GARNL3: variants seen among roughly 807,000 people sequenced by gnomAD.
The protein encoded by GARNL3 is GTPase activating Rap/RanGAP domain like 3, also known as GTPase-activating Rap/Ran-GAP domain-like protein 3.
GARNL3 carries 63 observed loss-of-function variants against 125.0 expected under a neutral mutation model. The observed-to-expected ratio is 0.50, with a 90% CI of 0.41 to 0.62. The LOEUF (loss-of-function observed/expected upper bound fraction) is 0.62, where lower values mean the gene tolerates loss of function less well. GARNL3 is among the 20% of genes least tolerant of loss of function. The probability of loss-of-function intolerance (pLI) is 0.00; values close to 1 mark genes in which losing one functional copy is unlikely to be tolerated. For synonymous variants in GARNL3, 439 were observed against 457.5 expected, an observed-to-expected ratio of 0.96 and a Z score of 0.52; for missense variants, 994 against 1,244.0, an observed-to-expected ratio of 0.80 and a Z score of 3.02.
intron 1 of GARNL3, among the ~76,000 whole-genome samples, chr9:127,228,752 T>A (rs2062955134): frequency 6.6e-6 from 1 of 152,262 alleles, no homozygotes; most frequent in Non-Finnish European, 1.5e-5. Flanking sequence ...ATGTTTCTGA[T>A]AAAGCTTTTT....
At chr9:127,285,904 T>G (rs1241159005) in intron 1 of GARNL3, among the ~76,000 whole-genome samples, 1 of 152,230 alleles carries the variant, frequency 6.6e-6, no homozygotes, top group Non-Finnish European at 1.5e-5. Context: ...TCATTTATGT[T>G]ACCGATCAAG....
intron 17 of GARNL3, among the ~76,000 whole-genome samples, chr9:127,350,497 G>A (rs1023120212): frequency 6.6e-6 from 1 of 151,986 alleles, no homozygotes; most frequent in Admixed American, 6.6e-5. Flanking sequence ...AAATCCTTCC[G>A]GGCGCAGTGG....
At position 127,327,925 on chromosome 9, in the gene GARNL3, G is replaced by A. The variant is rs116508994; in HGVS notation, c.594+2830G>A. On this transcript the variant is annotated intron_variant, in intron 7 of 27. Coordinates refer to ENST00000373387, the MANE Select transcript of GARNL3 (RefSeq NM_032293.5). ...TTTGTTACGTTTTATATAAAATTAGGATTATATATAGCTTTTGTATCTCAA... is the reference window on the plus strand; with the variant it reads ...TTTGTTACGTTTTATATAAAATTAGAATTATATATAGCTTTTGTATCTCAA... 8.7e-3 allele frequency among the ~76,000 whole-genome samples: 1,323 copies of A among 152,204 alleles called. 24 individuals are homozygous for A. Among genetic ancestry groups the A allele is most frequent in the African/African-American group, 0.03 (1,232 of 41,512 alleles).
At chr9:127,298,588 T>C (rs2064681784) in intron 2 of GARNL3, among the ~76,000 whole-genome samples, 1 of 152,226 alleles carries the variant, frequency 6.6e-6, no homozygotes, top group African/African-American at 2.4e-5. Context: ...TACCATTTTA[T>C]ACTTGTAATT....
chr9:127,233,389 A>T, intron 1 of GARNL3, among the ~76,000 whole-genome samples: 1 of 152,172 alleles, frequency 6.6e-6, no homozygotes, highest in East Asian at 1.9e-4. Flanking sequence ...AGAGACCAAG[A>T]AGTAGTGATT....
intron 22 of GARNL3, among the ~76,000 whole-genome samples, chr9:127,368,606 C>T (rs922549797): frequency 6.7e-6 from 1 of 148,522 alleles, no homozygotes; most frequent in Non-Finnish European, 1.5e-5. Context: ...GCTGGGATTA[C>T]AGGCGTGAAC....
At chr9:127,294,526 A>G (rs2064525574) in intron 2 of GARNL3, among the ~76,000 whole-genome samples, 1 of 151,930 alleles carries the variant, frequency 6.6e-6, no homozygotes, top group South Asian at 2.1e-4. Flanking sequence ...CTGGTCTCGA[A>G]CTCCTGACCT....
rs776785856 is a variant in GARNL3 at position 127,320,787 on chromosome 9, A to G, written c.567+9A>G. ...ATCCTGAAATACAAAAGGTAACAGA[A>G]AATTTTATGCTTCATAATTGTACAA... On this transcript the variant is annotated intron_variant, in intron 6 of 27. Coordinates refer to ENST00000373387, the MANE Select transcript of GARNL3 (RefSeq NM_032293.5). 4 of 1,562,758 alleles carry G rather than the reference A, an allele frequency of 2.6e-6. No homozygotes were observed. The Admixed American group carries it at 5.0e-5, about 20-fold the overall frequency.
At chr9:127,310,616 A>G (rs922344095) in intron 2 of GARNL3, among the ~76,000 whole-genome samples, 13 of 152,196 alleles carry the variant, frequency 8.5e-5, no homozygotes, top group African/African-American at 3.1e-4. Context: ...TCTACTAAAA[A>G]TACAAAAATT....
chr9:127,333,595 G>A (rs145746989), intron 9 of GARNL3, among the ~76,000 whole-genome samples: 80 of 152,254 alleles, frequency 5.3e-4, no homozygotes, highest in Non-Finnish European at 1.0e-3. Flanking sequence ...AGGCTTCTCT[G>A]AGCTTTTTTG....
At chr9:127,340,264 T>G (rs1040675433) in intron 13 of GARNL3, among the ~76,000 whole-genome samples, 2 of 152,162 alleles carry the variant, frequency 1.3e-5, no homozygotes, top group Non-Finnish European at 2.9e-5. Context: ...CATCACTTGC[T>G]GGTGAGCACA....
intron 22 of GARNL3, among the ~76,000 whole-genome samples, chr9:127,366,304 T>C (rs1831283950): frequency 6.6e-6 from 1 of 152,234 alleles, no homozygotes; most frequent in African/African-American, 2.4e-5. Context: ...TGGTTAAACC[T>C]CTTCAACAAT....
intron 21 of GARNL3, among the ~76,000 whole-genome samples, chr9:127,358,506 T>C (rs1357708351): frequency 6.6e-6 from 1 of 152,074 alleles, no homozygotes; most frequent in Non-Finnish European, 1.5e-5. Flanking sequence ...TTACAACTTG[T>C]ATTAATTGTA....
At chr9:127,307,829 A>G (rs1019574742) in intron 2 of GARNL3, among the ~76,000 whole-genome samples, 4 of 152,230 alleles carry the variant, frequency 2.6e-5, no homozygotes, top group Non-Finnish European at 4.4e-5. Flanking sequence ...ATAAAAAGAT[A>G]AAAAGTTTAC....
intron 22 of GARNL3, among the ~76,000 whole-genome samples, chr9:127,382,763 C>T (rs1588973965): frequency 2.6e-5 from 4 of 152,262 alleles, no homozygotes; most frequent in Admixed American, 2.6e-4. Flanking sequence ...GAACAATGTA[C>T]TTGAATGAAC....
intron 1 of GARNL3, among the ~76,000 whole-genome samples, chr9:127,232,133 T>C (rs1294893631): frequency 6.6e-6 from 1 of 152,200 alleles, no homozygotes; most frequent in African/African-American, 2.4e-5. Flanking sequence ...AAAGCTTGCC[T>C]CATTATTCTT....
chr9:127,360,733 G>T (rs1489169469), intron 21 of GARNL3, among the ~76,000 whole-genome samples: 1 of 152,156 alleles, frequency 6.6e-6, no homozygotes, highest in Non-Finnish European at 1.5e-5. Flanking sequence ...GCCTCTGTGG[G>T]CACCAGTGTT....
At chr9:127,226,184 A>G (rs994581978) in intron 1 of GARNL3, among the ~76,000 whole-genome samples, 1 of 152,168 alleles carries the variant, frequency 6.6e-6, no homozygotes, top group African/African-American at 2.4e-5. Flanking sequence ...GGAGCTCCCC[A>G]TCACCCGCAG....
At chr9:127,276,986 G>A (rs1291735567) in intron 1 of GARNL3, among the ~76,000 whole-genome samples, 2 of 152,206 alleles carry the variant, frequency 1.3e-5, no homozygotes, top group African/African-American at 4.8e-5. Context: ...CACACAACTG[G>A]TAAGTTGTAG....
Sources: allele counts gnomAD v4.1 joint callset (sites outside exome capture counted in the v4.1 genomes callset), GRCh38; gene constraint gnomAD v4.1.1; transcripts MANE v1.5; gene names NCBI Gene and HGNC (gene_info 2026-07-23, HGNC 2026-07-21).